Variants in SS18L2 observed in about 807,000 individuals in gnomAD.
The protein encoded by SS18L2 is SS18 like 2, also known as SS18-like protein 2.
SS18L2 carries 8 observed loss-of-function variants against 10.3 expected under a neutral mutation model. The ratio of observed to expected loss-of-function variants is 0.78; its 90% CI spans 0.46 to 1.41. The LOEUF is 1.41. SS18L2 is among the 40% of genes most tolerant of loss of function. The probability of loss-of-function intolerance (pLI) is 0.00; values close to 1 mark genes in which losing one functional copy is unlikely to be tolerated. For synonymous variants in SS18L2, 41 were observed against 34.6 expected, an observed-to-expected ratio of 1.19 and a Z score of -0.65; for missense variants, 100 against 96.2, an observed-to-expected ratio of 1.04 and a Z score of -0.17.
chr3:42,594,438 C>A lies in SS18L2; in HGVS notation c.163C>A (p.His55Asn). 1 of 1,613,800 alleles carries A rather than the reference C, an allele frequency of 6.2e-7. No homozygotes were observed. The highest frequency in any genetic ancestry group is 2.2e-5 in the East Asian group (1 of 44,862). Reference sequence around the variant, plus strand: ...TGCCCATAGGTACCAGCATGTGTTACATAGAAATCTCATTTATTTGGCTAC... The same window carrying A: ...TGCCCATAGGTACCAGCATGTGTTAAATAGAAATCTCATTTATTTGGCTAC... ...NECVQYQHVL[H>N]RNLIYLATIA... Residue 55 changes from histidine to asparagine, a missense_variant, in exon 3 of 3, where the codon CAT becomes AAT. By Grantham distance (68) the His-to-Asn change is moderately conservative. Coordinates refer to ENST00000011691, the MANE Select transcript of SS18L2 (RefSeq NM_001370300.1).
chr3:42,585,150 C>G (rs2125735272), intron 1 of SS18L2, among the ~76,000 whole-genome samples: 1 of 152,192 alleles, frequency 6.6e-6, no homozygotes, highest in South Asian at 2.1e-4. Flanking sequence ...CAAAACAAAA[C>G]AAAACAAACA....
intron 1 of SS18L2, among the ~76,000 whole-genome samples, chr3:42,584,476 G>A (rs535825863): frequency 1.6e-4 from 24 of 152,254 alleles, no homozygotes; most frequent in Non-Finnish European, 2.1e-4. Flanking sequence ...GTTTGGTCTC[G>A]AAATCCTGGC....
At chr3:42,586,384 G>A (rs144969298), upstream of SS18L2, among the ~76,000 whole-genome samples, 302 of 152,058 alleles carry the variant, frequency 2.0e-3, no homozygotes, top group African/African-American at 6.9e-3. Flanking sequence ...CACCATGCCT[G>A]GCTAATTTTT....
At position 42,591,405 on chromosome 3, in the gene SS18L2, G is replaced by A. The variant is rs559580755; in HGVS notation, c.70-120G>A. The A allele has an allele frequency of 4.3e-5, 32 of 736,598 alleles. No homozygotes were observed. In the Admixed American group the frequency reaches 4.9e-4, roughly 11 times the overall value. The allele number at this position is 736,598 out of a possible 1,614,324, so 45.6% of individuals were successfully genotyped here. ...GTATGGGGTTTCCCCATGTTGGCCA[G>A]GCTAGTCTCGAACTCCTGACCTCGT... On this transcript the variant is annotated intron_variant, in intron 1 of 2. Coordinates refer to ENST00000011691, the MANE Select transcript of SS18L2 (RefSeq NM_001370300.1).
chr3:42,594,377 C>A, intron 2 of SS18L2, 45 bp from the exon 3 acceptor site: 3 of 1,482,766 alleles, frequency 2.0e-6, no homozygotes, highest in South Asian at 2.3e-5. Flanking sequence ...TGTTCATGGT[C>A]GGTAAAAACA....
chr3:42,584,180 G>A (rs1704534519), intron 1 of SS18L2, among the ~76,000 whole-genome samples: 1 of 152,106 alleles, frequency 6.6e-6, no homozygotes, highest in South Asian at 2.1e-4. Flanking sequence ...CTCTCTCTCT[G>A]GAGAACCTTG....
chr3:42,584,114 C>A (rs532885984), intron 1 of SS18L2, among the ~76,000 whole-genome samples: 3 of 152,278 alleles, frequency 2.0e-5, no homozygotes, highest in Admixed American at 6.5e-5. Flanking sequence ...TAAATCCCCT[C>A]CCATATATCT....
At chr3:42,583,481 G>C (rs1704501627) in intron 1 of SS18L2, among the ~76,000 whole-genome samples, 1 of 152,206 alleles carries the variant, frequency 6.6e-6, no homozygotes, top group Non-Finnish European at 1.5e-5. Context: ...ACTGGAAGAG[G>C]AGATAAGATT....
rs1661241039 is a variant in SS18L2, at chr3:42,596,615, T to C, written c.*2106T>C. 6.6e-6 allele frequency among the ~76,000 whole-genome samples: 1 copy of C among 152,234 alleles called. No homozygotes were observed. On this transcript the variant is annotated 3_prime_UTR_variant, in exon 3 of 3. Coordinates refer to ENST00000011691, the MANE Select transcript of SS18L2 (RefSeq NM_001370300.1). ...GTTGATACTAGCCCTAGGCCTGCCT[T>C]GTCCCAGGAGTTTCTTCACCTTAAT...
chr3:42,582,379 C>G (rs1704444539), intron 1 of SS18L2: 1 of 152,364 alleles, frequency 6.6e-6, no homozygotes, highest in Non-Finnish European at 1.5e-5. Flanking sequence ...GCGGGAGGCC[C>G]GAGATAGGCA....
chr3:42,590,192 T>A (rs1704770368), upstream of SS18L2, among the ~76,000 whole-genome samples: 1 of 151,950 alleles, frequency 6.6e-6, no homozygotes, highest in Non-Finnish European at 1.5e-5. Flanking sequence ...AATACCAGAG[T>A]TTTCCTGGCC....
chr3:42,585,733 C>G (rs554518272), intron 1 of SS18L2, among the ~76,000 whole-genome samples: 21 of 152,314 alleles, frequency 1.4e-4, no homozygotes, highest in East Asian at 1.2e-3. Flanking sequence ...ATCCAACCTT[C>G]TGTCTTCTCT....
At position 42,594,522 on chromosome 3, in the gene SS18L2, A is replaced by G; in HGVS notation, c.*13A>G. On this transcript the variant is annotated 3_prime_UTR_variant, in exon 3 of 3. Coordinates refer to ENST00000011691, the MANE Select transcript of SS18L2 (RefSeq NM_001370300.1). ...AGCAATGGAATAATCTTTCAAAAGC[A>G]ATAGAATAATCTTCCATTTGGCTGT... 6.2e-7 allele frequency: 1 copy of G among 1,607,944 alleles called. No homozygotes were observed. The highest frequency in any genetic ancestry group is 8.5e-7 in the Non-Finnish European group (1 of 1,174,776).
intron 2 of SS18L2, among the ~76,000 whole-genome samples, chr3:42,592,700 C>A (rs1407631076): frequency 6.6e-6 from 1 of 152,002 alleles, no homozygotes; most frequent in Admixed American, 6.6e-5. Flanking sequence ...TGGTAAATAC[C>A]TTCTCCTTTT....
upstream of SS18L2, among the ~76,000 whole-genome samples, chr3:42,590,479 T>C (rs1329589224): frequency 6.6e-6 from 1 of 151,836 alleles, no homozygotes; most frequent in Non-Finnish European, 1.5e-5. Flanking sequence ...TACAAAAAAT[T>C]AGACGGGCGT....
upstream of SS18L2, among the ~76,000 whole-genome samples, chr3:42,589,268 CA>C (rs1486557886): frequency 4.9e-5 from 7 of 142,476 alleles, no homozygotes; most frequent in Admixed American, 1.4e-4. Context: ...GACTCTGTCT[CA>C]AAAAAAAAAG....
intron 1 of SS18L2, 79 bp downstream of exon 1, chr3:42,591,045 G>A (rs1704815579): frequency 1.4e-6 from 2 of 1,461,528 alleles, no homozygotes; most frequent in East Asian, 4.9e-5. Flanking sequence ...GAAGCATCCT[G>A]TAGTGAGCGG....
chr3:42,594,688 A>G lies in SS18L2; in HGVS notation c.*179A>G. On this transcript the variant is annotated 3_prime_UTR_variant, in exon 3 of 3. Transcript: ENST00000011691. ...TGAAGAAAGCTACTAACTTAGCTGT[A>G]TTCTCATGTAAATATTTTTTAAATA... The G allele has an allele frequency of 2.0e-6, 1 of 495,128 alleles. No homozygotes were observed. The highest frequency in any genetic ancestry group is 3.2e-5 in the East Asian group (1 of 31,518). The allele number at this position is 495,128 out of a possible 1,614,324, so 30.7% of individuals were successfully genotyped here.
rs1447164096 is a variant in SS18L2 at position 42,595,921 on chromosome 3, G to C, written c.*1412G>C. Among the ~76,000 whole-genome samples, 3 of 152,196 alleles carry C rather than the reference G, an allele frequency of 2.0e-5. No individual in the cohort carries two copies. On this transcript the variant is annotated 3_prime_UTR_variant, in exon 3 of 3. Transcript: ENST00000011691. ...CCTGAGGTTGTGAGACTGAGATAACGTGGTTGAGAACTGGGCACATGTTAA... is the reference window on the plus strand; with the variant it reads ...CCTGAGGTTGTGAGACTGAGATAACCTGGTTGAGAACTGGGCACATGTTAA...
Sources: gnomAD v4.1 joint callset for allele counts (sites outside exome capture counted in the v4.1 genomes callset) on GRCh38, gnomAD v4.1.1 for gene constraint, MANE v1.5 for transcripts, NCBI Gene and HGNC (gene_info 2026-07-23, HGNC 2026-07-21) for gene names.